Variants in IGFBP7 observed in about 807,000 individuals in gnomAD.
IGFBP7 encodes the protein insulin like growth factor binding protein 7, also known as insulin-like growth factor-binding protein 7.
IGFBP7 carries 31 observed loss-of-function variants against 29.4 expected under a neutral mutation model. The observed-to-expected ratio is 1.05, with a 90% CI of 0.79 to 1.42. The LOEUF (loss-of-function observed/expected upper bound fraction) is 1.42. IGFBP7 is among the 40% of genes most tolerant of loss of function. The pLI is 0.00. For synonymous variants in IGFBP7, 172 were observed against 174.9 expected (o/e 0.98, Z 0.13); for missense variants, 393 against 395.5 (o/e 0.99, Z 0.05).
rs117123140 is a variant in IGFBP7 at position 57,041,589 on chromosome 4, G to A, written c.476-656C>T. ...CTCATTCTGCCACCCAGGCTGGAGC[G>A]CAGTGGCTTGATCATAGCTCACTGC... On this transcript the variant is annotated intron_variant, in intron 1 of 4. Transcript: ENST00000295666. 1.7e-3 allele frequency among the ~76,000 whole-genome samples: 257 copies of A among 152,072 alleles called. 5 individuals carry two copies. The East Asian group carries it at 0.033, about 19-fold the overall frequency.
intron 3 of IGFBP7, among the ~76,000 whole-genome samples, 167 bp downstream of exon 3, chr4:57,033,028 T>G (rs546128409): frequency 7.2e-4 from 110 of 152,350 alleles, no homozygotes; most frequent in African/African-American, 2.3e-3. Flanking sequence ...GCACTTTTCC[T>G]TTAGTTTCTC....
Position 57,031,345 on chromosome 4 carries a change from A to AC in IGFBP7, c.830-10_830-9insG, listed in dbSNP as rs1342532972. On this transcript the variant is annotated splice_polypyrimidine_tract_variant and intron_variant, in intron 4 of 4. Coordinates refer to ENST00000295666, the MANE Select transcript of IGFBP7 (RefSeq NM_001553.3). ...TAGCTCGGCACCTTCACCTGTTTAA[A>AC]AAAAAAAAAAGATAAAAATTAGTTA... 1 of 1,588,180 alleles carries AC rather than the reference A, an allele frequency of 6.3e-7. No homozygotes were observed. The highest frequency in any genetic ancestry group is 8.6e-7 in the Non-Finnish European group (1 of 1,163,946).
At chr4:57,062,528 C>T (rs1724823344) in intron 1 of IGFBP7, among the ~76,000 whole-genome samples, 1 of 152,136 alleles carries the variant, frequency 6.6e-6, no homozygotes, top group African/African-American at 2.4e-5. Flanking sequence ...AATCATCCTC[C>T]TTTTACTGAA....
At chr4:57,094,073 A>T (rs1437035180) in intron 1 of IGFBP7, among the ~76,000 whole-genome samples, 2 of 151,968 alleles carry the variant, frequency 1.3e-5, no homozygotes. Context: ...TCTTATATTG[A>T]GTCTAACTCC....
intron 1 of IGFBP7, among the ~76,000 whole-genome samples, chr4:57,073,827 C>T (rs369080661): frequency 2.6e-5 from 4 of 152,084 alleles, no homozygotes; most frequent in Non-Finnish European, 5.9e-5. Context: ...CCTTCTAAAG[C>T]GTGTTCTCTT....
intron 1 of IGFBP7, among the ~76,000 whole-genome samples, chr4:57,046,127 G>T (rs555397792): frequency 6.6e-6 from 1 of 152,214 alleles, no homozygotes; most frequent in East Asian, 1.9e-4. Flanking sequence ...GACCCACAGG[G>T]ACACCAAGAG....
intron 1 of IGFBP7, among the ~76,000 whole-genome samples, chr4:57,102,290 T>C (rs1253612783): frequency 2.0e-5 from 3 of 152,204 alleles, no homozygotes; most frequent in Non-Finnish European, 4.4e-5. Context: ...GGGCAGGCTC[T>C]AGGGACAGGA....
chr4:57,048,932 C>T (rs1199052502), intron 1 of IGFBP7, among the ~76,000 whole-genome samples: 2 of 152,172 alleles, frequency 1.3e-5, no homozygotes, highest in Admixed American at 6.5e-5. Context: ...CTAAGAATAT[C>T]CTCTTTGGGT....
At chr4:57,087,734 G>A (rs189460442) in intron 1 of IGFBP7, among the ~76,000 whole-genome samples, 31 of 152,318 alleles carry the variant, frequency 2.0e-4, no homozygotes, top group Admixed American at 9.8e-4. Flanking sequence ...TCAAATCTGT[G>A]ACTTCGTTTA....
rs1271746806 is a variant in IGFBP7 at position 57,072,761 on chromosome 4, G to A, written c.476-31828C>T. On this transcript the variant is annotated intron_variant, in intron 1 of 4. Transcript: ENST00000295666. ...AGGGATTTCTGCCTTGCCTGAATCA[G>A]GCAACCTTTTCAAATGGGTGGGGAC... 3 of 513,878 alleles carry A rather than the reference G, an allele frequency of 5.8e-6. No individual in the cohort carries two copies. The East Asian group carries it at 1.5e-4, about 26-fold the overall frequency. The allele number at this position is 513,878 out of a possible 1,614,324, so 31.8% of individuals were successfully genotyped here.
chr4:57,085,144 T>C (rs1386543352), intron 1 of IGFBP7, among the ~76,000 whole-genome samples: 1 of 152,160 alleles, frequency 6.6e-6, no homozygotes, highest in Non-Finnish European at 1.5e-5. Flanking sequence ...AGAATATCAA[T>C]AGGTATTTGT....
intron 1 of IGFBP7, among the ~76,000 whole-genome samples, chr4:57,083,624 G>A (rs1319856600): frequency 6.6e-6 from 1 of 152,184 alleles, no homozygotes; most frequent in Non-Finnish European, 1.5e-5. Flanking sequence ...CATACAGCAT[G>A]CCACAAGGGC....
At chr4:57,084,970 A>G (rs1206625027) in intron 1 of IGFBP7, among the ~76,000 whole-genome samples, 1 of 151,586 alleles carries the variant, frequency 6.6e-6, no homozygotes, top group Non-Finnish European at 1.5e-5. Flanking sequence ...TTTTTTAAAA[A>G]TGGATACAGG....
intron 1 of IGFBP7, among the ~76,000 whole-genome samples, chr4:57,071,077 G>C (rs191430890): frequency 6.6e-6 from 1 of 152,328 alleles, no homozygotes; most frequent in Non-Finnish European, 1.5e-5. Context: ...GCATAAGGTG[G>C]TGGCAAAGCC....
At chr4:57,093,989 A>G (rs995162758) in intron 1 of IGFBP7, among the ~76,000 whole-genome samples, 3 of 152,166 alleles carry the variant, frequency 2.0e-5, no homozygotes, top group Admixed American at 2.0e-4. Flanking sequence ...ATAATTAAAA[A>G]TGAAGGGTTG....
intron 1 of IGFBP7, among the ~76,000 whole-genome samples, chr4:57,080,814 A>T (rs944806573): frequency 5.3e-5 from 8 of 152,248 alleles, no homozygotes; most frequent in African/African-American, 1.9e-4. Flanking sequence ...CCAAACAGCC[A>T]ATGAAAAGGA....
intron 1 of IGFBP7, among the ~76,000 whole-genome samples, chr4:57,069,715 A>G (rs1164392045): frequency 6.6e-6 from 1 of 152,194 alleles, no homozygotes; most frequent in Non-Finnish European, 1.5e-5. Context: ...GAAGGTGGGC[A>G]GGAGCCACAC....
chr4:57,033,067 G>A (rs1207689380), intron 3 of IGFBP7, 128 bp downstream of exon 3: 9 of 776,686 alleles, frequency 1.2e-5, no homozygotes, highest in African/African-American at 6.8e-5. Flanking sequence ...TCCATGGTAA[G>A]GCTATTCCAA....
intron 1 of IGFBP7, among the ~76,000 whole-genome samples, chr4:57,044,040 TGAG>T (rs1339955547): frequency 2.0e-5 from 3 of 152,222 alleles, no homozygotes; most frequent in Non-Finnish European, 4.4e-5. Flanking sequence ...AGGATTGTTC[TGAG>T]AAGAGCATAC....
Sources: allele counts gnomAD v4.1 joint callset (sites outside exome capture counted in the v4.1 genomes callset), GRCh38; gene constraint gnomAD v4.1.1; transcripts MANE v1.5; gene names NCBI Gene and HGNC (gene_info 2026-07-23, HGNC 2026-07-21).